The following WDR17 variants were observed in gnomAD, a reference collection of about 807,000 sequenced individuals.
WDR17 encodes the protein WD repeat-containing protein 17.
In WDR17, 143 loss-of-function variants were observed where a neutral mutation model predicts 161.7. That is an observed-to-expected ratio of 0.88 (90% CI 0.77 to 1.02). WDR17 has a LOEUF of 1.02. WDR17 is among the 50% of genes least tolerant of loss of function. The pLI, the probability that WDR17 is intolerant of heterozygous loss-of-function variation, is 0.00. For missense variants in WDR17, 1,469 were observed against 1,520.9 expected (o/e 0.97, Z 0.57); for synonymous variants, 517 against 515.6 (o/e 1.00, Z -0.04).
At chr4:176,127,638 A>T (rs1478826461) in intron 5 of WDR17, among the ~76,000 whole-genome samples, 1 of 152,168 alleles carries the variant, frequency 6.6e-6, no homozygotes, top group Non-Finnish European at 1.5e-5. Flanking sequence ...ACTATTACTG[A>T]AATATGCTTC....
intron 21 of WDR17, 27 bp downstream of exon 21, chr4:176,162,201 G>A: frequency 6.3e-7 from 1 of 1,594,650 alleles, no homozygotes; most frequent in Non-Finnish European, 8.6e-7. Context: ...TGGTTTATGT[G>A]AATGAAAAGT....
At chr4:176,124,004 A>C (rs1742031467) in intron 4 of WDR17, among the ~76,000 whole-genome samples, 1 of 152,252 alleles carries the variant, frequency 6.6e-6, no homozygotes, top group South Asian at 2.1e-4. Context: ...TAATGCCAGG[A>C]AACAGGGATG....
rs1732468610 is a variant in WDR17 at position 176,065,967 on chromosome 4, A to T, written c.-119A>T. On this transcript the variant is annotated 5_prime_UTR_variant, in exon 1 of 29. Transcript: ENST00000508596. Reference sequence around the variant, plus strand: ...GCCCCGCCCCCGGGCGCCCTGAGCGAGCAGGCGGGGAGGGCGGGGAGGGTC... The same window carrying T: ...GCCCCGCCCCCGGGCGCCCTGAGCGTGCAGGCGGGGAGGGCGGGGAGGGTC... The T allele has an allele frequency of 1.3e-5, 2 of 152,004 alleles. No homozygotes were observed. Among genetic ancestry groups the T allele is most frequent in the African/African-American group, 4.8e-5 (2 of 41,378 alleles). 9.4% of individuals were successfully genotyped at this position (152,004 alleles called of 1,614,324 possible).
Position 176,128,745 on chromosome 4 carries a change from A to G in WDR17, c.798A>G (p.Gln266=), listed in dbSNP as rs1265655199. 7 of 1,600,912 alleles carry G rather than the reference A, an allele frequency of 4.4e-6. No individual in the cohort carries two copies. The highest frequency in any genetic ancestry group is 6.0e-6 in the Non-Finnish European group (7 of 1,176,118). ...TTTCCCTGATCTGACTAGATTCTCA[A>G]GTGGGTGTTTTACGCATTTGGAATG... is the stretch of plus-strand genomic sequence containing the variant. The part of the protein sequence containing the change: ...APGMFITGDS[Q]VGVLRIWNVS... The change falls in exon 6 of 29, where the codon CAA becomes CAG. Residue 266 remains glutamine, a synonymous_variant. Transcript: ENST00000508596.
intron 17 of WDR17, among the ~76,000 whole-genome samples, chr4:176,154,328 A>G (rs1747714798): frequency 6.6e-6 from 1 of 152,078 alleles, no homozygotes; most frequent in Non-Finnish European, 1.5e-5. Context: ...CAAAAATACA[A>G]AAATTAGCTG....
chr4:176,144,178 T>TATCC (rs1745779705), intron 11 of WDR17, among the ~76,000 whole-genome samples: 1 of 152,188 alleles, frequency 6.6e-6, no homozygotes, highest in African/African-American at 2.4e-5. Flanking sequence ...AGATAACTGC[T>TATCC]ATCCATCCTT....
At chr4:176,102,797 A>AG (rs1267206167) in intron 1 of WDR17, among the ~76,000 whole-genome samples, 2 of 152,208 alleles carry the variant, frequency 1.3e-5, no homozygotes, top group African/African-American at 4.8e-5. Context: ...TGCAACTTCC[A>AG]GGGGAAGGCT....
chr4:176,115,767 A>C, intron 2 of WDR17, 29 bp from the exon 3 acceptor site: 1 of 1,514,162 alleles, frequency 6.6e-7, no homozygotes, highest in South Asian at 1.3e-5. Context: ...AGGAGCACTA[A>C]AATATTTTAT....
chr4:176,123,453 T>C (rs1741922050), intron 4 of WDR17, among the ~76,000 whole-genome samples: 1 of 152,154 alleles, frequency 6.6e-6, no homozygotes, highest in Admixed American at 6.6e-5. Context: ...CTGATGACAG[T>C]TGTTAAGCCC....
intron 6 of WDR17, among the ~76,000 whole-genome samples, chr4:176,130,586 T>C (rs973982446): frequency 7.5e-6 from 1 of 132,510 alleles, no homozygotes; most frequent in Non-Finnish European, 1.7e-5. Context: ...CTACTAAAAA[T>C]ACAAAAAAAT....
In WDR17 at chr4:176,131,532, AT is replaced by A. The variant is rs749951494; in HGVS notation, c.914-14del. On this transcript the variant is annotated intron_variant, in intron 6 of 28. Transcript: ENST00000508596. ...AGCTCTGTGGTTTCATTCCAATAGGATTTTTTTTCTTCTATTTTTAGTTTCA... is the reference window on the plus strand; with the variant it reads ...AGCTCTGTGGTTTCATTCCAATAGGATTTTTTTCTTCTATTTTTAGTTTCA... 3.4e-5 allele frequency: 54 copies of A among 1,578,542 alleles called. No homozygotes were observed. In the African/African-American group the frequency reaches 4.9e-4, roughly 14 times the overall value.
At chr4:176,078,577 G>T (rs1455208073) in intron 1 of WDR17, among the ~76,000 whole-genome samples, 1 of 152,032 alleles carries the variant, frequency 6.6e-6, no homozygotes, top group African/African-American at 2.4e-5. Flanking sequence ...CAGGCATATT[G>T]AACCTACAAA....
In WDR17 at chr4:176,130,097, C is replaced by T. The variant is rs539059601; in HGVS notation, c.913+1237C>T. 2.0e-5 allele frequency among the ~76,000 whole-genome samples: 3 copies of T among 152,164 alleles called. No individual in the cohort carries two copies. In the East Asian group the frequency reaches 5.8e-4, roughly 29 times the overall value. On this transcript the variant is annotated intron_variant, in intron 6 of 28. Transcript: ENST00000508596. Reference sequence around the variant, plus strand: ...CTCTTCTTTGACTTCTAGGTTTTCCCTTCAATTTAATATAACAGAAAGTAT... The same window carrying T: ...CTCTTCTTTGACTTCTAGGTTTTCCTTTCAATTTAATATAACAGAAAGTAT...
intron 1 of WDR17, among the ~76,000 whole-genome samples, chr4:176,109,772 T>C (rs1228765513): frequency 6.6e-6 from 1 of 152,188 alleles, no homozygotes; most frequent in Non-Finnish European, 1.5e-5. Flanking sequence ...CTGAACAAGC[T>C]TCTATAAGAC....
At chr4:176,072,523 T>C (rs1036404787) in intron 1 of WDR17, among the ~76,000 whole-genome samples, 4 of 152,222 alleles carry the variant, frequency 2.6e-5, no homozygotes. Context: ...TATTTATTCT[T>C]GATAATGTAT....
At chr4:176,097,530 C>T (rs1181889358) in intron 1 of WDR17, among the ~76,000 whole-genome samples, 1 of 151,668 alleles carries the variant, frequency 6.6e-6, no homozygotes, top group Non-Finnish European at 1.5e-5. Context: ...TGAAAAAATC[C>T]AGTAAACATC....
Position 176,179,802 on chromosome 4 carries a change from G to A in WDR17, c.*223G>A, listed in dbSNP as rs1217556181. 1.4e-5 allele frequency: 3 copies of A among 213,426 alleles called. No individual in the cohort carries two copies. The highest frequency in any genetic ancestry group is 1.0e-4 in the East Asian group (1 of 9,798). The allele number at this position is 213,426 out of a possible 1,614,324, so 13.2% of individuals were successfully genotyped here. On this transcript the variant is annotated 3_prime_UTR_variant, in exon 29 of 29. Coordinates refer to ENST00000508596, the MANE Select transcript of WDR17 (RefSeq NM_181265.4). ...CTCCTTTATAAACAGTAATAGCTAC[G>A]TTTGGGAAGGAGGAAACATTTAAAT...
At position 176,146,085 on chromosome 4, in the gene WDR17, G is replaced by C; in HGVS notation, c.1620G>C (p.Gly540=). The stretch of plus-strand genomic sequence containing the variant: ...ATCAACCATTGAAAGTATTTAGTGG[G>C]CATACAGCAAAAGTGTTTCATGTTA... ...SSDQPLKVFS[G]HTAKVFHVKW... is the part of the protein sequence containing the mutation. The change falls in exon 12 of 29, where the codon GGG becomes GGC. Residue 540 remains glycine, a synonymous_variant. Coordinates refer to ENST00000508596, the MANE Select transcript of WDR17 (RefSeq NM_181265.4). 1 of 1,613,962 alleles carries C rather than the reference G, an allele frequency of 6.2e-7. No homozygotes were observed. The highest frequency in any genetic ancestry group is 1.1e-5 in the South Asian group (1 of 91,060).
chr4:176,137,044 G>A (rs192892812), intron 8 of WDR17, among the ~76,000 whole-genome samples: 6 of 151,360 alleles, frequency 4.0e-5, no homozygotes, highest in African/African-American at 1.4e-4. Context: ...TTTTTATGGA[G>A]AAACTGTATT....
Sources: allele counts gnomAD v4.1 joint callset (sites outside exome capture counted in the v4.1 genomes callset), GRCh38; gene constraint gnomAD v4.1.1; transcripts MANE v1.5; gene names NCBI Gene and HGNC (gene_info 2026-07-23, HGNC 2026-07-21).